Variants in PDE4B observed in about 807,000 individuals in gnomAD.
The protein encoded by PDE4B is 3',5'-cyclic-AMP phosphodiesterase 4B.
Under a neutral mutation model 82.2 loss-of-function variants are expected in PDE4B, and 20 were observed. That is an observed-to-expected ratio of 0.24 (90% confidence interval 0.17 to 0.35). The LOEUF is 0.35. Ranked by LOEUF, PDE4B falls within the 10% of genes least tolerant of loss-of-function variation. The pLI, the probability that PDE4B is intolerant of heterozygous loss-of-function variation, is 1.00. For missense variants in PDE4B, 655 were observed against 907.2 expected, an observed-to-expected ratio of 0.72 and a Z score of 3.57; for synonymous variants, 320 against 318.9, an observed-to-expected ratio of 1.00 and a Z score of -0.04.
chr1:66,353,542 T>A (rs1394384563), intron 8 of PDE4B, among the ~76,000 whole-genome samples: 2 of 152,206 alleles, frequency 1.3e-5, no homozygotes, highest in Non-Finnish European at 2.9e-5. Context: ...TTGCTATTCC[T>A]TCAACTTGCT....
chr1:66,251,579 G>A (rs897957052), intron 4 of PDE4B, among the ~76,000 whole-genome samples: 1 of 152,182 alleles, frequency 6.6e-6, no homozygotes, highest in African/African-American at 2.4e-5. Flanking sequence ...GGCAATTTTA[G>A]CAGTTTCAGA....
At chr1:66,359,023 A>G (rs1662539646) in intron 9 of PDE4B, among the ~76,000 whole-genome samples, 1 of 152,216 alleles carries the variant, frequency 6.6e-6, no homozygotes, top group Non-Finnish European at 1.5e-5. Context: ...GGGGAAATAG[A>G]AGTGTCTAAT....
chr1:65,830,265 G>A (rs1177335235), intron 1 of PDE4B, among the ~76,000 whole-genome samples: 1 of 152,072 alleles, frequency 6.6e-6, no homozygotes, highest in African/African-American at 2.4e-5. Flanking sequence ...TAAATAAATT[G>A]AAGGAGACCA....
intron 9 of PDE4B, among the ~76,000 whole-genome samples, chr1:66,359,401 G>T (rs1330144564): frequency 6.6e-6 from 1 of 152,032 alleles, no homozygotes; most frequent in East Asian, 1.9e-4. Flanking sequence ...TGATTTTTTT[G>T]AGTCTGAGTT....
chr1:65,870,623 A>G (rs1646561773), intron 1 of PDE4B, among the ~76,000 whole-genome samples: 1 of 152,244 alleles, frequency 6.6e-6, no homozygotes, highest in African/African-American at 2.4e-5. Context: ...CAAAAGAGTT[A>G]TAATACAGTA....
At chr1:65,939,431 A>G (rs559166299) in intron 3 of PDE4B, among the ~76,000 whole-genome samples, 190 of 152,254 alleles carry the variant, frequency 1.2e-3, no homozygotes, top group African/African-American at 4.5e-3. Flanking sequence ...ATAGAACAGC[A>G]AGACAAAAGG....
chr1:66,117,972 G>C (rs1027852783), intron 3 of PDE4B, among the ~76,000 whole-genome samples: 1 of 152,200 alleles, frequency 6.6e-6, no homozygotes, highest in South Asian at 2.1e-4. Context: ...TCTAGCACCT[G>C]TGGTTTCCTG....
At chr1:66,300,163 A>T (rs1657786602) in intron 7 of PDE4B, among the ~76,000 whole-genome samples, 1 of 152,154 alleles carries the variant, frequency 6.6e-6, no homozygotes, top group Admixed American at 6.5e-5. Flanking sequence ...TCACCCTTCA[A>T]CAGAGTGGGC....
intron 16 of PDE4B, 35 bp downstream of exon 16, chr1:66,369,004 C>CTGGAGGGT: frequency 6.6e-7 from 1 of 1,518,156 alleles, no homozygotes; most frequent in Non-Finnish European, 9.0e-7. Flanking sequence ...TTTTTGTGAG[C>CTGGAGGGT]TCTGCTGATT....
intron 3 of PDE4B, among the ~76,000 whole-genome samples, chr1:66,106,467 A>G (rs1241322651): frequency 6.6e-6 from 1 of 151,978 alleles, no homozygotes; most frequent in Non-Finnish European, 1.5e-5. Context: ...TGAGTTAGGG[A>G]GGATTCCCTC....
At chr1:66,371,507 A>G (rs1166182350) in intron 16 of PDE4B, among the ~76,000 whole-genome samples, 3 of 152,174 alleles carry the variant, frequency 2.0e-5, no homozygotes, top group Non-Finnish European at 4.4e-5. Flanking sequence ...TAACAGAGCC[A>G]TAAGCCTGGT....
chr1:66,310,950 A>G (rs1179679845), intron 7 of PDE4B, among the ~76,000 whole-genome samples: 1 of 152,208 alleles, frequency 6.6e-6, no homozygotes, highest in African/African-American at 2.4e-5. Flanking sequence ...AAATGTATTA[A>G]TATTAGATTG....
In PDE4B at chr1:66,368,075, GA is replaced by G. The variant is rs776844625; in HGVS notation, c.1662+13del. On this transcript the variant is annotated intron_variant, in intron 15 of 16. Transcript: ENST00000341517. ...TACCGATCGCATTCAGGTATTTGAG[GA>G]AAGTCTTTGATTTAACACAAAACCA... 4.3e-5 allele frequency: 70 copies of G among 1,611,568 alleles called. No homozygotes were observed. Among genetic ancestry groups the G allele is most frequent in the Middle Eastern group, 3.3e-4 (2 of 6,062 alleles).
chr1:66,190,386 C>A (rs958735444), intron 3 of PDE4B, among the ~76,000 whole-genome samples: 1 of 152,208 alleles, frequency 6.6e-6, no homozygotes, highest in Admixed American at 6.5e-5. Flanking sequence ...TTGAAGTCTG[C>A]AGAGGTTTTT....
At position 66,355,340 on chromosome 1, in the gene PDE4B, C is replaced by T. The variant is rs1662153024; in HGVS notation, c.748-187C>T. 3 of 429,008 alleles carry T rather than the reference C, an allele frequency of 7.0e-6. No individual in the cohort carries two copies. In the Admixed American group the frequency reaches 1.2e-4, roughly 18 times the overall value. 26.6% of individuals were successfully genotyped at this position (429,008 alleles called of 1,614,324 possible). On this transcript the variant is annotated intron_variant, in intron 8 of 16. Transcript: ENST00000341517. ...TAATTCTAAGAAATCTTAAGAAAAC[C>T]TCTTTTCCAAAAGTGACGTTGGAAT...
At chr1:66,116,107 C>T (rs1394241135) in intron 3 of PDE4B, among the ~76,000 whole-genome samples, 1 of 152,172 alleles carries the variant, frequency 6.6e-6, no homozygotes, top group Non-Finnish European at 1.5e-5. Context: ...AAGAGCAGTT[C>T]GTTCTTAACC....
chr1:66,301,097 C>T (rs498448), intron 7 of PDE4B, among the ~76,000 whole-genome samples: 94,873 of 151,770 alleles, frequency 0.63, 30,271 homozygotes, highest in African/African-American at 0.72. Flanking sequence ...AAAGTTCCTG[C>T]GTGCTCATGA....
At chr1:65,860,362 C>T (rs1032155946) in intron 1 of PDE4B, among the ~76,000 whole-genome samples, 1 of 152,148 alleles carries the variant, frequency 6.6e-6, no homozygotes, top group Non-Finnish European at 1.5e-5. Flanking sequence ...CATGCCCTTG[C>T]AAAGGACATG....
intron 7 of PDE4B, among the ~76,000 whole-genome samples, chr1:66,307,776 G>A (rs1050686961): frequency 3.3e-5 from 5 of 151,968 alleles, no homozygotes; most frequent in South Asian, 2.1e-4. Flanking sequence ...GGTGAGTACC[G>A]GTTTTTTTGT....
Sources: gnomAD v4.1 joint callset for allele counts (sites outside exome capture counted in the v4.1 genomes callset) on GRCh38, gnomAD v4.1.1 for gene constraint, MANE v1.5 for transcripts, NCBI Gene and HGNC (gene_info 2026-07-23, HGNC 2026-07-21) for gene names.